Variants in SBF2 observed in about 807,000 individuals in gnomAD.
SBF2 encodes myotubularin-related protein 13.
SBF2 carries 112 observed loss-of-function variants against 225.2 expected under a neutral mutation model. The ratio of observed to expected loss-of-function variants is 0.50; its 90% confidence interval spans 0.43 to 0.58. The LOEUF (loss-of-function observed/expected upper bound fraction) is 0.58, where lower values mean the gene tolerates loss of function less well. Among genes scored for constraint, SBF2 ranks in the 20% least tolerant of loss-of-function variants. SBF2 has a pLI of 0.00. For synonymous variants in SBF2, 763 were observed against 773.3 expected (o/e 0.99, Z 0.22); for missense variants, 1,996 against 2,206.2 (o/e 0.90, Z 1.91).
At chr11:10,060,542 T>C (rs756069443) in intron 2 of SBF2, among the ~76,000 whole-genome samples, 1 of 152,124 alleles carries the variant, frequency 6.6e-6, no homozygotes, top group Non-Finnish European at 1.5e-5. Flanking sequence ...GAGGCCAGCA[T>C]CATCCTGATA....
intron 2 of SBF2, among the ~76,000 whole-genome samples, chr11:10,078,390 C>A (rs1308857718): frequency 1.3e-5 from 2 of 152,078 alleles, no homozygotes. Flanking sequence ...AAATGCCCAT[C>A]AATGATAGAG....
In SBF2 at chr11:10,300,381, C is replaced by T. The variant is rs143717466; in HGVS notation, n.386+4111G>A. Among the ~76,000 whole-genome samples the T allele has an allele frequency of 4.5e-3, 678 of 152,228 alleles. 2 individuals carry two copies. Among genetic ancestry groups the T allele is most frequent in the Admixed American group, 0.012 (181 of 15,294 alleles). On this transcript the variant is annotated intron_variant and non_coding_transcript_variant, in intron 1 of 5. Coordinates refer to the SBF2 transcript ENST00000685217. Reference sequence around the variant, plus strand: ...TCAGGCTTATAAATCAGAATTGCTTCTTGGCTGAGCACAGTGGCTCATACC... The same window carrying T: ...TCAGGCTTATAAATCAGAATTGCTTTTTGGCTGAGCACAGTGGCTCATACC...
chr11:10,006,126 A>G (rs1948177718), intron 6 of SBF2, among the ~76,000 whole-genome samples: 1 of 152,114 alleles, frequency 6.6e-6, no homozygotes, highest in African/African-American at 2.4e-5. Context: ...TTTTCTCTGT[A>G]TGTATTCTGA....
At chr11:10,009,180 G>A (rs1305412486) in intron 6 of SBF2, among the ~76,000 whole-genome samples, 2 of 152,222 alleles carry the variant, frequency 1.3e-5, no homozygotes, top group East Asian at 1.9e-4. Context: ...TTAATCCAGA[G>A]GTCTGGATAT....
chr11:9,932,162 A>G (rs1864542294), intron 16 of SBF2, among the ~76,000 whole-genome samples: 1 of 152,238 alleles, frequency 6.6e-6, no homozygotes, highest in African/African-American at 2.4e-5. Flanking sequence ...TGATAGGTGT[A>G]CCTGAAAGTG....
chr11:9,945,763 T>C (rs1385012421), intron 16 of SBF2, among the ~76,000 whole-genome samples: 1 of 151,946 alleles, frequency 6.6e-6, no homozygotes, highest in Non-Finnish European at 1.5e-5. Flanking sequence ...TAATAAAAAA[T>C]GGGCAAAGGA....
intron 9 of SBF2, among the ~76,000 whole-genome samples, chr11:9,996,783 T>A (rs567859433): frequency 1.4e-4 from 22 of 152,292 alleles, no homozygotes; most frequent in African/African-American, 5.3e-4. Flanking sequence ...AATAAAAACA[T>A]AATTATTAAA....
intron 33 of SBF2, among the ~76,000 whole-genome samples, chr11:9,791,634 C>G (rs569176318): frequency 5.3e-5 from 8 of 152,316 alleles, no homozygotes; most frequent in Admixed American, 3.3e-4. Flanking sequence ...ATCAGAATCT[C>G]TGGGGATGGC....
chr11:9,976,152 C>A (rs1946674467), intron 13 of SBF2, among the ~76,000 whole-genome samples: 2 of 149,730 alleles, frequency 1.3e-5, no homozygotes, highest in South Asian at 4.2e-4. Context: ...CGGCTCACTG[C>A]AACCTTTGCC....
chr11:9,780,738 AC>A, intron 39 of SBF2: 1 of 560,152 alleles, frequency 1.8e-6, no homozygotes. Flanking sequence ...AAAGGGAGAC[AC>A]ACTGGGAGCG....
intron 1 of SBF2, among the ~76,000 whole-genome samples, chr11:10,212,218 C>G (rs376588104): frequency 6.6e-6 from 1 of 152,152 alleles, no homozygotes; most frequent in Non-Finnish European, 1.5e-5. Flanking sequence ...AAACAAGATA[C>G]AACCACGGTA....
At chr11:10,236,456 G>A (rs1390851939) in intron 1 of SBF2, among the ~76,000 whole-genome samples, 4 of 151,892 alleles carry the variant, frequency 2.6e-5, no homozygotes, top group Middle Eastern at 3.4e-3. Context: ...GAGCGAGTCC[G>A]TCTCTTTTTT....
chr11:10,269,626 T>C (rs949147521), intron 1 of SBF2, among the ~76,000 whole-genome samples: 1 of 152,236 alleles, frequency 6.6e-6, no homozygotes, highest in Non-Finnish European at 1.5e-5. Flanking sequence ...CTCTATGAGG[T>C]AGATACTACT....
At chr11:10,158,996 T>C (rs1339089281) in intron 2 of SBF2, among the ~76,000 whole-genome samples, 1 of 151,696 alleles carries the variant, frequency 6.6e-6, no homozygotes, top group East Asian at 1.9e-4. Context: ...ACCCCCCAAA[T>C]AATAAAGTCT....
At chr11:10,223,666 G>A (rs1219869790) in intron 1 of SBF2, among the ~76,000 whole-genome samples, 1 of 151,720 alleles carries the variant, frequency 6.6e-6, no homozygotes, top group Non-Finnish European at 1.5e-5. Flanking sequence ...CATGACTTTT[G>A]TCTGTTTCTC....
At chr11:10,026,184 T>G (rs1331986425) in intron 6 of SBF2, among the ~76,000 whole-genome samples, 1 of 152,070 alleles carries the variant, frequency 6.6e-6, no homozygotes, top group African/African-American at 2.4e-5. Context: ...CCCTCACAAC[T>G]CATGGTAAAA....
chr11:10,280,944 C>T (rs1042693036), intron 1 of SBF2, among the ~76,000 whole-genome samples: 8 of 152,094 alleles, frequency 5.3e-5, no homozygotes, highest in African/African-American at 1.7e-4. Flanking sequence ...TTATGAAATG[C>T]AAAGCTTTTC....
At position 10,211,014 on chromosome 11, in the gene SBF2, C is replaced by CAAAA. The variant is rs1230619092; in HGVS notation, c.56-17031_56-17028dup. Reference sequence around the variant, plus strand: ...GGCGACAAGAGCAAGACTCTTGACTCAAAAAAAAAAAAAAAAAAAAAGAGC... The same window carrying CAAAA: ...GGCGACAAGAGCAAGACTCTTGACTCAAAAAAAAAAAAAAAAAAAAAAAAAGAGC... On this transcript the variant is annotated intron_variant, in intron 1 of 39. Coordinates refer to ENST00000256190, the MANE Select transcript of SBF2 (RefSeq NM_030962.4). Among the ~76,000 whole-genome samples, 11 of 33,062 alleles carry CAAAA rather than the reference C, an allele frequency of 3.3e-4. 1 individual carries two copies. The highest frequency in any genetic ancestry group is 4.6e-4 in the Non-Finnish European group (7 of 15,280). The allele number at this position is 33,062 out of a possible 152,430, so 21.7% of individuals were successfully genotyped here.
chr11:10,260,438 C>T (rs1045639037), intron 1 of SBF2, among the ~76,000 whole-genome samples: 6 of 151,944 alleles, frequency 3.9e-5, no homozygotes, highest in Admixed American at 6.6e-5. Context: ...ATTTACAGGT[C>T]GGGCACGGTG....
Sources: gnomAD v4.1 joint callset for allele counts (sites outside exome capture counted in the v4.1 genomes callset) on GRCh38, gnomAD v4.1.1 for gene constraint, MANE v1.5 for transcripts, NCBI Gene and HGNC (gene_info 2026-07-23, HGNC 2026-07-21) for gene names.